AP3B1: variants seen among roughly 807,000 people sequenced by gnomAD.
AP3B1 encodes adaptor related protein complex 3 subunit beta 1.
In AP3B1, 61 loss-of-function variants were observed where a neutral mutation model predicts 132.5. The ratio of observed to expected loss-of-function variants is 0.46; its 90% CI spans 0.37 to 0.57. The LOEUF is 0.57. Ranked by LOEUF, AP3B1 falls within the 20% of genes least tolerant of loss-of-function variation. The probability of loss-of-function intolerance (pLI) is 0.00; values close to 1 mark genes in which losing one functional copy is unlikely to be tolerated. For missense variants in AP3B1, 1,120 were observed against 1,289.4 expected (o/e 0.87, Z 2.01); for synonymous variants, 388 against 438.3 (o/e 0.89, Z 1.43).
At chr5:78,004,697 C>G (rs746100623) in intron 26 of AP3B1, among the ~76,000 whole-genome samples, 7 of 152,154 alleles carry the variant, frequency 4.6e-5, no homozygotes, top group Admixed American at 6.5e-5. Context: ...GGGCTATCAA[C>G]AAAATATGTT....
At chr5:78,260,287 C>A (rs28435232) in intron 2 of AP3B1, among the ~76,000 whole-genome samples, 36,483 of 151,976 alleles carry the variant, frequency 0.24, 5,184 homozygotes, top group Non-Finnish European at 0.32. Flanking sequence ...TAAACCAAAA[C>A]TCTAAAGAAT....
intron 19 of AP3B1, among the ~76,000 whole-genome samples, chr5:78,112,865 T>G (rs1050850477): frequency 6.6e-6 from 1 of 152,214 alleles, no homozygotes. Context: ...AACTTTGCAA[T>G]GATGAAAAGC....
intron 14 of AP3B1, among the ~76,000 whole-genome samples, chr5:78,147,344 T>G (rs571694602): frequency 6.6e-6 from 1 of 152,264 alleles, no homozygotes; most frequent in East Asian, 1.9e-4. Context: ...TACCTTCTTA[T>G]TTTCAACTTT....
intron 7 of AP3B1, among the ~76,000 whole-genome samples, chr5:78,205,252 GA>G (rs1388232962): frequency 6.6e-6 from 1 of 152,102 alleles, no homozygotes; most frequent in African/African-American, 2.4e-5. Context: ...GAAAGTGAGA[GA>G]AAGTGCTAAT....
At chr5:78,229,575 C>CAAAACAAA (rs1554078043) in intron 3 of AP3B1, among the ~76,000 whole-genome samples, 3 of 134,342 alleles carry the variant, frequency 2.2e-5, no homozygotes, top group South Asian at 2.4e-4. Flanking sequence ...TCTAGTAAAA[C>CAAAACAAA]AAAAAAAAAA....
At position 78,085,033 on chromosome 5, in the gene AP3B1, C is replaced by T. The variant is rs887502484; in HGVS notation, c.2577+4360G>A. ...CACTAGACATTTAGGTTTGAACAAC[C>T]ATGCACATAAATCTGTGTAATTCTA... is the stretch of plus-strand genomic sequence containing the variant. On this transcript the variant is annotated intron_variant, in intron 22 of 26. Coordinates refer to ENST00000255194, the MANE Select transcript of AP3B1 (RefSeq NM_003664.5). 6.0e-5 allele frequency among the ~76,000 whole-genome samples: 9 copies of T among 150,412 alleles called. No individual in the cohort carries two copies. In the East Asian group the frequency reaches 1.7e-3, roughly 29 times the overall value.
At chr5:78,018,996 G>A (rs1382081335) in intron 25 of AP3B1, among the ~76,000 whole-genome samples, 10 of 152,064 alleles carry the variant, frequency 6.6e-5, no homozygotes. Flanking sequence ...AATGAATTCA[G>A]GAAGACAGAA....
chr5:78,175,838 C>T lies in AP3B1; in HGVS notation c.1041G>A (p.Arg347=). Reference sequence around the variant, plus strand: ...TTTGTAGGACAATATACTGCACCTCCCTAGAAATCAAAAGATAATTTTTAC... The same window carrying T: ...TTTGTAGGACAATATACTGCACCTCTCTAGAAATCAAAAGATAATTTTTAC... ...KSLVRLLRSN[R]EVQYIVLQNI... The change falls in exon 10 of 27, where the codon AGG becomes AGA. Residue 347 remains arginine (R), a splice_region_variant and synonymous_variant. Coordinates refer to ENST00000255194, the MANE Select transcript of AP3B1 (RefSeq NM_003664.5). 1 of 1,608,496 alleles carries T rather than the reference C, an allele frequency of 6.2e-7. No homozygotes were observed. Among genetic ancestry groups the T allele is most frequent in the South Asian group, 1.1e-5 (1 of 90,902 alleles).
chr5:78,170,991 A>G (rs1743887766), intron 11 of AP3B1, among the ~76,000 whole-genome samples: 2 of 152,174 alleles, frequency 1.3e-5, no homozygotes, highest in African/African-American at 4.8e-5. Context: ...TAAATAGGGA[A>G]TCCTTTCCCT....
Position 78,254,457 on chromosome 5 carries a change from A to G in AP3B1, c.204+13063T>C, listed in dbSNP as rs182775434. Among the ~76,000 whole-genome samples, 279 of 152,348 alleles carry G rather than the reference A, an allele frequency of 1.8e-3. 1 individual carries two copies. Among genetic ancestry groups the G allele is most frequent in the Non-Finnish European group, 3.2e-3 (220 of 68,028 alleles). Reference sequence around the variant, plus strand: ...GTCAAGGATAGAGAAAGGATCCTAAAAGCAGCAAGAGAAAAAGAACAAATA... The same window carrying G: ...GTCAAGGATAGAGAAAGGATCCTAAGAGCAGCAAGAGAAAAAGAACAAATA... On this transcript the variant is annotated intron_variant, in intron 2 of 26. Transcript: ENST00000255194.
intron 13 of AP3B1, among the ~76,000 whole-genome samples, chr5:78,159,594 G>A (rs560284223): frequency 1.8e-4 from 28 of 152,128 alleles, no homozygotes; most frequent in African/African-American, 5.5e-4. Context: ...ACTGACCTGC[G>A]TCTCTCTTTC....
chr5:78,012,885 G>A (rs562536902), intron 26 of AP3B1, among the ~76,000 whole-genome samples: 1 of 152,292 alleles, frequency 6.6e-6, no homozygotes, highest in African/African-American at 2.4e-5. Flanking sequence ...AATCATTTGA[G>A]CAGGTATTAC....
chr5:78,120,371 T>C (rs1227622171), intron 17 of AP3B1, among the ~76,000 whole-genome samples: 1 of 152,214 alleles, frequency 6.6e-6, no homozygotes, highest in African/African-American at 2.4e-5. Context: ...ATGGGCTAAA[T>C]GCTCCAATTA....
In AP3B1 at chr5:78,217,991, G is replaced by T. The variant is rs148511802; in HGVS notation, c.604-1754C>A. On this transcript the variant is annotated intron_variant, in intron 6 of 26. Coordinates refer to ENST00000255194, the MANE Select transcript of AP3B1 (RefSeq NM_003664.5). ...AAATTCATTAAACCAAGAGCTACAT[G>T]TACACAATAATTCTAAAGTACTAAC... Among the ~76,000 whole-genome samples, 55 of 151,968 alleles carry T rather than the reference G, an allele frequency of 3.6e-4. No homozygotes were observed. The East Asian group carries it at 0.01, about 28-fold the overall frequency.
At position 78,245,436 on chromosome 5, in the gene AP3B1, C is replaced by A. The variant is rs993593803; in HGVS notation, c.205-4500G>T. On this transcript the variant is annotated intron_variant, in intron 2 of 26. Coordinates refer to ENST00000255194, the MANE Select transcript of AP3B1 (RefSeq NM_003664.5). Reference sequence around the variant, plus strand: ...AACACAGTGTTTACAGATAAGAAAGCGGGTCTCCCTCTGAGCATGGGAACA... The same window carrying A: ...AACACAGTGTTTACAGATAAGAAAGAGGGTCTCCCTCTGAGCATGGGAACA... 2.6e-5 allele frequency among the ~76,000 whole-genome samples: 4 copies of A among 152,096 alleles called. No homozygotes were observed. In the East Asian group the frequency reaches 5.8e-4, roughly 22 times the overall value.
At chr5:78,018,080 G>A (rs547409776) in intron 25 of AP3B1, among the ~76,000 whole-genome samples, 2 of 151,692 alleles carry the variant, frequency 1.3e-5, no homozygotes, top group Admixed American at 6.6e-5. Context: ...GAGTTATCTC[G>A]GAACACGTAC....
chr5:78,088,602 T>C (rs556820500), intron 22 of AP3B1, among the ~76,000 whole-genome samples: 67 of 152,288 alleles, frequency 4.4e-4, no homozygotes, highest in African/African-American at 1.5e-3. Flanking sequence ...TTATATGCCA[T>C]GTAGTACCCT....
chr5:78,012,873 T>C (rs1214782536), intron 26 of AP3B1, among the ~76,000 whole-genome samples: 1 of 152,240 alleles, frequency 6.6e-6, no homozygotes, highest in African/African-American at 2.4e-5. Flanking sequence ...AATTTTAATT[T>C]AAATCATTTG....
intron 11 of AP3B1, among the ~76,000 whole-genome samples, chr5:78,174,896 G>T (rs918729840): frequency 6.6e-6 from 1 of 152,198 alleles, no homozygotes; most frequent in African/African-American, 2.4e-5. Context: ...CTTCCCAGCC[G>T]CTTTGTTTAC....
Sources: gnomAD v4.1 joint callset for allele counts (sites outside exome capture counted in the v4.1 genomes callset) on GRCh38, gnomAD v4.1.1 for gene constraint, MANE v1.5 for transcripts, NCBI Gene and HGNC (gene_info 2026-07-23, HGNC 2026-07-21) for gene names.